The following GRB10 variants were observed in gnomAD, a reference collection of about 807,000 sequenced individuals.
The protein encoded by GRB10 is growth factor receptor bound protein 10, also known as growth factor receptor-bound protein 10.
Under a neutral mutation model 80.9 loss-of-function variants are expected in GRB10, and 20 were observed. That is an observed-to-expected ratio of 0.25 (90% confidence interval 0.17 to 0.36). GRB10 has a LOEUF of 0.36. Among genes scored for constraint, GRB10 ranks in the 10% least tolerant of loss-of-function variants. The pLI is 1.00. For missense variants in GRB10, 548 were observed against 747.7 expected (o/e 0.73, Z 3.12); for synonymous variants, 291 against 291.5 (o/e 1.00, Z 0.02).
intron 7 of GRB10, among the ~76,000 whole-genome samples, chr7:50,628,355 AG>A (rs934835412): frequency 3.9e-5 from 6 of 152,102 alleles, no homozygotes; most frequent in African/African-American, 4.8e-5. Flanking sequence ...TGTGTTTGGA[AG>A]GGGGTGCTTA....
intron 5 of GRB10, among the ~76,000 whole-genome samples, chr7:50,679,464 T>G (rs751207441): frequency 6.6e-6 from 1 of 152,192 alleles, no homozygotes; most frequent in Non-Finnish European, 1.5e-5. Flanking sequence ...GTGTCTTCTT[T>G]ACATTGTTTA....
chr7:50,596,808 A>G (rs1457140769), intron 17 of GRB10, among the ~76,000 whole-genome samples: 1 of 152,248 alleles, frequency 6.6e-6, no homozygotes, highest in East Asian at 1.9e-4. Flanking sequence ...TCCTATTACT[A>G]TTACAACCTT....
Position 50,626,772 on chromosome 7 carries a change from A to G in GRB10, c.661+50T>C, listed in dbSNP as rs111769581. 12 of 1,608,088 alleles carry G rather than the reference A, an allele frequency of 7.5e-6. No individual in the cohort carries two copies. In the African/African-American group the frequency reaches 1.1e-4, roughly 14 times the overall value. ...ATTTGGCAGCAGCAGTCTTCATTCA[A>G]TTGCACATAAGCATCCCCAGGTGCC... is the stretch of plus-strand genomic sequence containing the variant. On this transcript the variant is annotated intron_variant, in intron 8 of 18. Coordinates refer to ENST00000401949, the MANE Select transcript of GRB10 (RefSeq NM_001350814.2).
At chr7:50,725,577 A>G (rs1430348552) in intron 4 of GRB10, among the ~76,000 whole-genome samples, 3 of 152,356 alleles carry the variant, frequency 2.0e-5, no homozygotes, top group Non-Finnish European at 4.4e-5. Flanking sequence ...AAACAAAAAC[A>G]AAGACTTTGA....
intron 2 of GRB10, among the ~76,000 whole-genome samples, chr7:50,762,809 G>C (rs1477755007): frequency 6.6e-6 from 1 of 152,174 alleles, no homozygotes; most frequent in Non-Finnish European, 1.5e-5. Flanking sequence ...AGACCCTATA[G>C]ACAAATCAAA....
chr7:50,722,673 A>C (rs2067951709), intron 4 of GRB10, among the ~76,000 whole-genome samples: 1 of 151,924 alleles, frequency 6.6e-6, no homozygotes, highest in Non-Finnish European at 1.5e-5. Context: ...ACTATGGGGG[A>C]GAATGCCAGG....
chr7:50,645,059 ATC>A (rs2056951605), intron 7 of GRB10, among the ~76,000 whole-genome samples: 1 of 152,228 alleles, frequency 6.6e-6, no homozygotes, highest in Non-Finnish European at 1.5e-5. Flanking sequence ...AAATGGAGCT[ATC>A]ATTTAGGGCT....
At chr7:50,777,875 T>C (rs2077861478) in intron 2 of GRB10, among the ~76,000 whole-genome samples, 1 of 151,766 alleles carries the variant, frequency 6.6e-6, no homozygotes, top group African/African-American at 2.4e-5. Flanking sequence ...TGAGAGCACA[T>C]GGACACAGGG....
intron 7 of GRB10, among the ~76,000 whole-genome samples, chr7:50,668,289 C>G (rs1033712932): frequency 1.3e-5 from 2 of 152,106 alleles, no homozygotes; most frequent in African/African-American, 4.8e-5. Flanking sequence ...GGATGGCTGG[C>G]CTGTCTTGCT....
Position 50,695,007 on chromosome 7 carries a change from G to C in GRB10, c.139+8814C>G, listed in dbSNP as rs543110834. Among the ~76,000 whole-genome samples, 182 of 152,196 alleles carry C rather than the reference G, an allele frequency of 1.2e-3. 3 individuals are homozygous for C. The highest frequency in any genetic ancestry group is 2.6e-4 in the Non-Finnish European group (18 of 68,002). On this transcript the variant is annotated intron_variant, in intron 5 of 18. Transcript: ENST00000401949. ...CTATTAGGAAGCCCCCAGATCCTGA[G>C]AGCTTTAGGCTCTCTCCCTCCCCGT...
At position 50,592,647 on chromosome 7, in the gene GRB10, G is replaced by C. The variant is rs977853342; in HGVS notation, c.*305C>G. The C allele has an allele frequency of 1.3e-5, 6 of 447,776 alleles. No individual in the cohort carries two copies. The highest frequency in any genetic ancestry group is 9.9e-5 in the African/African-American group (5 of 50,628). 27.7% of individuals were successfully genotyped at this position (447,776 alleles called of 1,614,324 possible). ...AGTTCATTTCCAATCACTTCTCTCC[G>C]GTTCTTGTTCCTAAGCGGCCCAAGC... On this transcript the variant is annotated 3_prime_UTR_variant, in exon 19 of 19. Coordinates refer to ENST00000401949, the MANE Select transcript of GRB10 (RefSeq NM_001350814.2).
intron 1 of GRB10, among the ~76,000 whole-genome samples, chr7:50,790,635 A>C (rs575621706): frequency 6.6e-6 from 1 of 152,312 alleles, no homozygotes; most frequent in South Asian, 2.1e-4. Flanking sequence ...TGGCAACCTA[A>C]CCCTAGATAC....
intron 8 of GRB10, among the ~76,000 whole-genome samples, chr7:50,620,973 A>G (rs2051608001): frequency 6.6e-6 from 1 of 152,238 alleles, no homozygotes. Context: ...ACAGAACTAA[A>G]AATTTTTATC....
intron 13 of GRB10, among the ~76,000 whole-genome samples, chr7:50,607,842 C>A (rs1207499529): frequency 3.3e-5 from 5 of 152,210 alleles, no homozygotes; most frequent in Non-Finnish European, 5.9e-5. Context: ...CCAACCTACA[C>A]ACCCAAATCA....
intron 7 of GRB10, among the ~76,000 whole-genome samples, chr7:50,633,114 G>A (rs2153598886): frequency 6.6e-6 from 1 of 152,302 alleles, no homozygotes; most frequent in Admixed American, 6.5e-5. Context: ...CCTGTAGGGT[G>A]AACTGCATAA....
chr7:50,666,829 A>T (rs1465865459), intron 7 of GRB10, among the ~76,000 whole-genome samples: 3 of 152,200 alleles, frequency 2.0e-5, no homozygotes, highest in South Asian at 2.1e-4. Flanking sequence ...TCACAAGGAC[A>T]GGAGATCGAG....
intron 5 of GRB10, among the ~76,000 whole-genome samples, chr7:50,682,918 G>A (rs1563427274): frequency 6.6e-6 from 1 of 152,126 alleles, no homozygotes; most frequent in Non-Finnish European, 1.5e-5. Flanking sequence ...TCAAAGCTTA[G>A]AAGAAATACA....
At chr7:50,745,624 A>AT (rs1200036768) in intron 3 of GRB10, among the ~76,000 whole-genome samples, 7 of 152,222 alleles carry the variant, frequency 4.6e-5, no homozygotes, top group African/African-American at 1.7e-4. Context: ...AGTGAATTTC[A>AT]TAACTGTTGG....
chr7:50,716,108 A>G (rs2066825208), intron 4 of GRB10, among the ~76,000 whole-genome samples: 1 of 152,238 alleles, frequency 6.6e-6, no homozygotes, highest in African/African-American at 2.4e-5. Flanking sequence ...GCATGTAAGG[A>G]AAATACCAAG....
Sources: allele counts gnomAD v4.1 joint callset (sites outside exome capture counted in the v4.1 genomes callset), GRCh38; gene constraint gnomAD v4.1.1; transcripts MANE v1.5; gene names NCBI Gene and HGNC (gene_info 2026-07-23, HGNC 2026-07-21).